KIF1B: variants seen among roughly 807,000 people sequenced by gnomAD.
The protein encoded by KIF1B is kinesin family member 1B.
Under a neutral mutation model 241.9 loss-of-function variants are expected in KIF1B, and 76 were observed. The ratio of observed to expected loss-of-function variants is 0.31; its 90% CI spans 0.26 to 0.38. The LOEUF (loss-of-function observed/expected upper bound fraction) is 0.38. Ranked by LOEUF, KIF1B falls within the 10% of genes least tolerant of loss-of-function variation. The pLI is 1.00. For missense variants in KIF1B, 1,622 were observed against 2,271.4 expected, an observed-to-expected ratio of 0.71 and a Z score of 5.81; for synonymous variants, 750 against 796.7, an observed-to-expected ratio of 0.94 and a Z score of 0.99.
intron 38 of KIF1B, among the ~76,000 whole-genome samples, chr1:10,359,006 T>A (rs1356354728): frequency 6.6e-6 from 1 of 152,228 alleles, no homozygotes; most frequent in Non-Finnish European, 1.5e-5. Context: ...CCTCAAAGAC[T>A]AGACATTTGA....
At chr1:10,261,112 A>G (rs1281943922) in intron 4 of KIF1B, among the ~76,000 whole-genome samples, 2 of 147,626 alleles carry the variant, frequency 1.4e-5, no homozygotes, top group Non-Finnish European at 3.0e-5. Context: ...GACTACAGGC[A>G]CGTACCACCA....
chr1:10,239,521 A>T (rs538013356), intron 2 of KIF1B, among the ~76,000 whole-genome samples: 5 of 152,148 alleles, frequency 3.3e-5, no homozygotes, highest in African/African-American at 1.2e-4. Context: ...AAGTGTAATT[A>T]TATGCTTTAA....
intron 2 of KIF1B, among the ~76,000 whole-genome samples, chr1:10,234,353 A>G (rs1571111416): frequency 6.6e-6 from 1 of 151,620 alleles, no homozygotes; most frequent in Non-Finnish European, 1.5e-5. Flanking sequence ...GATTACAGGC[A>G]CCCACCACTA....
chr1:10,353,852 C>G (rs914670767), intron 38 of KIF1B, among the ~76,000 whole-genome samples: 3 of 152,050 alleles, frequency 2.0e-5, no homozygotes, highest in Non-Finnish European at 2.9e-5. Context: ...TTTGACTATC[C>G]ATGGGCAAAA....
chr1:10,317,703 C>T (rs1196895316), intron 22 of KIF1B, among the ~76,000 whole-genome samples: 2 of 151,052 alleles, frequency 1.3e-5, no homozygotes, highest in African/African-American at 4.9e-5. Flanking sequence ...CGGTGGCGTG[C>T]ACCTGTAGTC....
intron 15 of KIF1B, among the ~76,000 whole-genome samples, chr1:10,288,122 A>G (rs1312903757): frequency 6.6e-6 from 1 of 152,088 alleles, no homozygotes; most frequent in Non-Finnish European, 1.5e-5. Context: ...TGGGGCTGGG[A>G]GGAAAAGAAA....
chr1:10,357,267 A>C (rs936782372), intron 38 of KIF1B, among the ~76,000 whole-genome samples: 4 of 152,200 alleles, frequency 2.6e-5, no homozygotes, highest in Admixed American at 2.6e-4. Context: ...TTTTCCTCTG[A>C]TGCTGCTGCT....
intron 24 of KIF1B, 52 bp downstream of exon 24, chr1:10,321,909 G>A (rs1013476685): frequency 1.2e-6 from 2 of 1,602,094 alleles, no homozygotes; most frequent in African/African-American, 2.7e-5. Context: ...AGCCTGCTGT[G>A]GGTGCATCTG....
At chr1:10,259,839 G>T (rs1416575572) in intron 4 of KIF1B, among the ~76,000 whole-genome samples, 1 of 151,714 alleles carries the variant, frequency 6.6e-6, no homozygotes, top group African/African-American at 2.4e-5. Context: ...TCACCATGTT[G>T]TCCAGGCTGG....
intron 22 of KIF1B, among the ~76,000 whole-genome samples, chr1:10,316,622 C>T (rs1279636621): frequency 6.6e-6 from 1 of 151,214 alleles, no homozygotes; most frequent in African/African-American, 2.5e-5. Flanking sequence ...TACCTCAGCC[C>T]CTCTAGTAGC....
At chr1:10,357,450 A>G (rs964727155) in intron 38 of KIF1B, among the ~76,000 whole-genome samples, 1 of 152,212 alleles carries the variant, frequency 6.6e-6, no homozygotes, top group African/African-American at 2.4e-5. Context: ...CCACCTCTCA[A>G]GAATTGCCAG....
At chr1:10,245,946 A>C (rs1647204724) in intron 2 of KIF1B, among the ~76,000 whole-genome samples, 1 of 152,138 alleles carries the variant, frequency 6.6e-6, no homozygotes, top group Admixed American at 6.5e-5. Context: ...GTTAAAGTCC[A>C]CCAGGCTTTT....
chr1:10,286,575 A>C (rs1020275087), intron 15 of KIF1B, among the ~76,000 whole-genome samples: 1 of 152,248 alleles, frequency 6.6e-6, no homozygotes, highest in Non-Finnish European at 1.5e-5. Flanking sequence ...TGGTGATTCA[A>C]TGGCTTCAAC....
chr1:10,333,641 G>A (rs1452157255), intron 27 of KIF1B, among the ~76,000 whole-genome samples: 1 of 152,026 alleles, frequency 6.6e-6, no homozygotes, highest in Non-Finnish European at 1.5e-5. Context: ...GCAGTGAGCC[G>A]AGACTGCACC....
At chr1:10,332,501 A>AC (rs1651985411) in intron 27 of KIF1B, among the ~76,000 whole-genome samples, 2 of 58,634 alleles carry the variant, frequency 3.4e-5, no homozygotes, top group African/African-American at 6.6e-5. Context: ...GATAATAGTC[A>AC]TTTTTTTTTT....
chr1:10,315,801 A>G (rs1040554434), intron 22 of KIF1B, among the ~76,000 whole-genome samples: 1 of 151,252 alleles, frequency 6.6e-6, no homozygotes, highest in Non-Finnish European at 1.5e-5. Flanking sequence ...CACGCCTCTA[A>G]TCCCAGCGCT....
At chr1:10,370,133 A>T (rs1394068883) in intron 44 of KIF1B, among the ~76,000 whole-genome samples, 1 of 151,574 alleles carries the variant, frequency 6.6e-6, no homozygotes, top group Non-Finnish European at 1.5e-5. Flanking sequence ...CATGCCTGTA[A>T]TCCCAGCTAC....
rs913863797 is a variant in KIF1B, at chr1:10,312,823, T to A, written c.2116-7220T>A. Among the ~76,000 whole-genome samples the A allele has an allele frequency of 2.6e-5, 4 of 151,582 alleles. No homozygotes were observed. The South Asian group carries it at 8.3e-4, about 31-fold the overall frequency. ...TCGCCACTAAAATCCATCTATATTT[T>A]GTTTACTCTTTATCATCTCTGTCTC... On this transcript the variant is annotated intron_variant, in intron 22 of 48. Coordinates refer to ENST00000676179, the MANE Select transcript of KIF1B (RefSeq NM_001365951.3).
At chr1:10,283,828 C>T (rs978449931) in intron 15 of KIF1B, among the ~76,000 whole-genome samples, 4 of 152,236 alleles carry the variant, frequency 2.6e-5, no homozygotes, top group Non-Finnish European at 4.4e-5. Context: ...TTCACAGTCA[C>T]TTGGTATTCC....
Sources: gnomAD v4.1 joint callset for allele counts (sites outside exome capture counted in the v4.1 genomes callset) on GRCh38, gnomAD v4.1.1 for gene constraint, MANE v1.5 for transcripts, NCBI Gene and HGNC (gene_info 2026-07-23, HGNC 2026-07-21) for gene names.